Variants in BANP observed in about 807,000 individuals in gnomAD.
BANP encodes protein BANP.
BANP carries 11 observed loss-of-function variants against 68.1 expected under a neutral mutation model. The ratio of observed to expected loss-of-function variants is 0.16; its 90% CI spans 0.10 to 0.27. The LOEUF is 0.27. Ranked by LOEUF, BANP falls within the 10% of genes least tolerant of loss-of-function variation. BANP has a pLI of 1.00. For missense variants in BANP, 504 were observed against 722.7 expected (o/e 0.70, Z 3.47); for synonymous variants, 329 against 303.2 (o/e 1.09, Z -0.88).
intron 13 of BANP, among the ~76,000 whole-genome samples, chr16:88,076,118 C>T (rs1464925822): frequency 6.6e-6 from 1 of 152,190 alleles, no homozygotes; most frequent in Non-Finnish European, 1.5e-5. Flanking sequence ...ACTCGTTGAC[C>T]AGAACCTGTA....
chr16:87,974,508 G>C (rs1029884414), intron 1 of BANP, among the ~76,000 whole-genome samples: 2 of 152,220 alleles, frequency 1.3e-5, no homozygotes, highest in Non-Finnish European at 2.9e-5. Context: ...ACTCCGCCGG[G>C]CCTGTGGGGT....
At chr16:87,967,954 G>T (rs8059432) in intron 1 of BANP, among the ~76,000 whole-genome samples, 94,690 of 148,516 alleles carry the variant, frequency 0.64, 30,167 homozygotes, top group African/African-American at 0.68. Context: ...CAGGTTCACC[G>T]TGTTGGTCAG....
At position 88,027,908 on chromosome 16, in the gene BANP, C is replaced by CTTCTG. The variant is rs1439077769; in HGVS notation, c.1063+259_1063+263dup. On this transcript the variant is annotated intron_variant, in intron 8 of 13. Transcript: ENST00000682872. ...AGGGCCTGTTGGGCCTCCCGGAAGT[C>CTTCTG]TTCTGGATGGGGGCAAGGAGGCCGA... Among the ~76,000 whole-genome samples the CTTCTG allele has an allele frequency of 2.6e-5, 4 of 152,266 alleles. No individual in the cohort carries two copies. The East Asian group carries it at 7.7e-4, about 29-fold the overall frequency.
At chr16:88,056,579 GA>G (rs1183865889) in intron 11 of BANP, among the ~76,000 whole-genome samples, 1 of 152,046 alleles carries the variant, frequency 6.6e-6, no homozygotes, top group African/African-American at 2.4e-5. Context: ...AGCTGAAGCT[GA>G]AATGTCTTTA....
chr16:87,963,660 G>T (rs181326636), intron 1 of BANP, among the ~76,000 whole-genome samples: 1 of 152,264 alleles, frequency 6.6e-6, no homozygotes, highest in African/African-American at 2.4e-5. Flanking sequence ...AAATACTGAC[G>T]GGAAAAAACC....
intron 7 of BANP, among the ~76,000 whole-genome samples, chr16:88,021,162 G>A (rs1264510800): frequency 6.6e-6 from 1 of 152,204 alleles, no homozygotes; most frequent in Admixed American, 6.5e-5. Flanking sequence ...CTGGCTTCGG[G>A]GCCATCCTCC....
chr16:88,039,372 C>T (rs1401666261), intron 11 of BANP, among the ~76,000 whole-genome samples: 2 of 143,364 alleles, frequency 1.4e-5, no homozygotes, highest in African/African-American at 4.9e-5. Context: ...CCGTGGTTCT[C>T]ACGGTCACGG....
intron 11 of BANP, among the ~76,000 whole-genome samples, chr16:88,048,025 G>A (rs1308227070): frequency 6.6e-6 from 1 of 152,246 alleles, no homozygotes; most frequent in East Asian, 1.9e-4. Flanking sequence ...GATGGGACGT[G>A]CAGGGCCGGC....
At chr16:87,983,037 G>A in intron 3 of BANP, among the ~76,000 whole-genome samples, 1 of 152,146 alleles carries the variant, frequency 6.6e-6, no homozygotes, top group Non-Finnish European at 1.5e-5. Context: ...GCTCTCAGTG[G>A]CTGCCTCAGT....
At chr16:87,962,493 G>A (rs935019401) in intron 1 of BANP, among the ~76,000 whole-genome samples, 1 of 152,124 alleles carries the variant, frequency 6.6e-6, no homozygotes. Flanking sequence ...GAATGGTGAA[G>A]AGGACCCTGA....
At chr16:88,016,614 A>G (rs2074620453) in intron 6 of BANP, among the ~76,000 whole-genome samples, 2 of 152,228 alleles carry the variant, frequency 1.3e-5, no homozygotes, top group South Asian at 4.1e-4. Context: ...ATTCGTAGAT[A>G]CATTCGTAGA....
chr16:87,961,393 G>A (rs970070183), intron 1 of BANP, among the ~76,000 whole-genome samples: 1 of 144,582 alleles, frequency 6.9e-6, no homozygotes, highest in Non-Finnish European at 1.5e-5. Context: ...CGAACTCCTG[G>A]ACTCACAGAA....
At chr16:88,019,546 G>A (rs934864684) in intron 7 of BANP, among the ~76,000 whole-genome samples, 13 of 138,618 alleles carry the variant, frequency 9.4e-5, no homozygotes, top group African/African-American at 3.1e-4. Flanking sequence ...TGCCGGGGGC[G>A]TCCGGGATCT....
intron 1 of BANP, among the ~76,000 whole-genome samples, chr16:87,962,772 G>C (rs150460370): frequency 2.0e-5 from 3 of 152,104 alleles, no homozygotes; most frequent in Non-Finnish European, 4.4e-5. Context: ...CTGATTTCCC[G>C]CCTATCTAGC....
At chr16:87,998,102 A>G (rs1158005871) in intron 4 of BANP, among the ~76,000 whole-genome samples, 1 of 152,144 alleles carries the variant, frequency 6.6e-6, no homozygotes, top group Non-Finnish European at 1.5e-5. Context: ...TCCCTCCAAA[A>G]TGGGAAGCTC....
chr16:87,950,276 G>C (rs1195092185), upstream of BANP, among the ~76,000 whole-genome samples: 10 of 152,200 alleles, frequency 6.6e-5, no homozygotes, highest in Non-Finnish European at 5.9e-5. Context: ...ACAGAGGCGA[G>C]TATAAAGAAG....
intron 2 of BANP, chr16:87,978,358 A>G (rs2145924216): frequency 3.7e-6 from 1 of 266,928 alleles, no homozygotes. Context: ...GAGAAGTCCC[A>G]TAACCTTCCT....
intron 6 of BANP, among the ~76,000 whole-genome samples, chr16:88,009,341 G>A (rs576504805): frequency 2.8e-4 from 43 of 152,310 alleles, no homozygotes; most frequent in East Asian, 1.2e-3. Flanking sequence ...AATAGGAGCC[G>A]CAGGAGACAG....
chr16:87,955,462 C>T (rs1177298879), intron 1 of BANP, among the ~76,000 whole-genome samples: 5 of 152,154 alleles, frequency 3.3e-5, no homozygotes, highest in African/African-American at 1.2e-4. Flanking sequence ...CTGATGTTGA[C>T]GTCTTATGTA....
Sources: allele counts gnomAD v4.1 joint callset (sites outside exome capture counted in the v4.1 genomes callset), GRCh38; gene constraint gnomAD v4.1.1; transcripts MANE v1.5; gene names NCBI Gene and HGNC (gene_info 2026-07-23, HGNC 2026-07-21).